Variants in VWF observed in about 807,000 individuals in gnomAD.
VWF encodes Factor VIII related antigen.
In VWF, 176 loss-of-function variants were observed where a neutral mutation model predicts 308.6. The observed-to-expected ratio is 0.57, with a 90% CI of 0.50 to 0.65. The LOEUF is 0.65. Ranked by LOEUF, VWF falls within the 30% of genes least tolerant of loss-of-function variation. The pLI, the probability that VWF is intolerant of heterozygous loss-of-function variation, is 0.00. For synonymous variants in VWF, 1,385 were observed against 1,443.4 expected (o/e 0.96, Z 0.92); for missense variants, 3,146 against 3,648.2 (o/e 0.86, Z 3.55).
chr12:6,053,626 G>A (rs192417362), intron 15 of VWF, among the ~76,000 whole-genome samples: 4 of 152,272 alleles, frequency 2.6e-5, no homozygotes, highest in East Asian at 3.9e-4. Context: ...CTAAGGGAAC[G>A]GGCTCTGTAT....
rs2136386032 is a variant in VWF, at chr12:5,994,535, T to C, written c.6136A>G (p.Ile2046Val). ...TGATTGAATCTGACCTCATGCATGA[T>C]GGCACCATAAACGTTGACTTCCATG... ...GNMEVNVYGAIMHEVRFNHLG... is the reference protein window; with the variant it reads ...GNMEVNVYGAVMHEVRFNHLG... The change falls in exon 36 of 52, where the codon ATC becomes GTC. Residue 2046 changes from isoleucine (I) to valine (V), a missense_variant. Transcript: ENST00000261405. The C allele has an allele frequency of 6.2e-7, 1 of 1,614,028 alleles. No homozygotes were observed. Among genetic ancestry groups the C allele is most frequent in the Non-Finnish European group, 8.5e-7 (1 of 1,179,926 alleles).
rs1555073700 is a variant in VWF, at chr12:6,092,614, T to TGAGAGAGAGAGA, written c.657+2845_657+2846insTCTCTCTCTCTC. Reference sequence around the variant, plus strand: ...CATGCCCAGCTAGTTAGTGAGTGAGTGAGAGTGTGTGTGTGTGTGTGTGTG... The same window carrying TGAGAGAGAGAGA: ...CATGCCCAGCTAGTTAGTGAGTGAGTGAGAGAGAGAGAGAGAGTGTGTGTGTGTGTGTGTGTG... On this transcript the variant is annotated intron_variant, in intron 6 of 51. Transcript: ENST00000261405. Among the ~76,000 whole-genome samples the TGAGAGAGAGAGA allele has an allele frequency of 5.0e-3, 429 of 86,046 alleles. 19 individuals are homozygous for TGAGAGAGAGAGA. The highest frequency in any genetic ancestry group is 0.011 in the Middle Eastern group (2 of 190). 56.4% of individuals were successfully genotyped at this position (86,046 alleles called of 152,430 possible). A position where few individuals can be genotyped will look rare whatever the true frequency, so the allele number is the denominator to read the frequency against.
intron 15 of VWF, among the ~76,000 whole-genome samples, chr12:6,055,250 C>T (rs1412634353): frequency 2.6e-5 from 4 of 152,142 alleles, no homozygotes; most frequent in African/African-American, 9.7e-5. Flanking sequence ...AGAAATCCTG[C>T]GGATGCTGCC....
intron 7 of VWF, among the ~76,000 whole-genome samples, chr12:6,074,045 A>G (rs1205880557): frequency 6.6e-6 from 1 of 151,996 alleles, no homozygotes; most frequent in Non-Finnish European, 1.5e-5. Context: ...CCCTTCACCT[A>G]AAACCCTTTC....
intron 5 of VWF, among the ~76,000 whole-genome samples, chr12:6,107,753 G>A (rs555217456): frequency 6.6e-6 from 1 of 152,186 alleles, no homozygotes; most frequent in Admixed American, 6.5e-5. Context: ...CCGCCTCCAA[G>A]GTTCATGCCA....
chr12:5,964,250 GCATACATA>G (rs202210763), intron 47 of VWF, among the ~76,000 whole-genome samples: 30 of 122,412 alleles, frequency 2.5e-4, no homozygotes, highest in Admixed American at 1.5e-3. Flanking sequence ...ATACATACAT[GCATACATA>G]CATACATACA....
rs543041240 is a variant in VWF, at chr12:6,010,793, G to A, written c.5842+824C>T. Among the ~76,000 whole-genome samples, 3 of 152,304 alleles carry A rather than the reference G, an allele frequency of 2.0e-5. No individual in the cohort carries two copies. In the South Asian group the frequency reaches 6.2e-4, roughly 32 times the overall value. The stretch of plus-strand genomic sequence containing the variant: ...TTCCCAGAGGCAGGCAGCCTAAATT[G>A]GAACTGGGAGGTGTTTTAACTCTAA... On this transcript the variant is annotated intron_variant, in intron 34 of 51. Coordinates refer to ENST00000261405, the MANE Select transcript of VWF (RefSeq NM_000552.5).
chr12:6,013,223 T>C (rs1361528303), intron 32 of VWF, among the ~76,000 whole-genome samples: 2 of 152,228 alleles, frequency 1.3e-5, no homozygotes, highest in Non-Finnish European at 2.9e-5. Context: ...TTAGGCTCTC[T>C]CTGCCAAGTT....
At chr12:6,078,270 C>A (rs1944867941) in intron 6 of VWF, among the ~76,000 whole-genome samples, 1 of 152,214 alleles carries the variant, frequency 6.6e-6, no homozygotes. Context: ...TGCTTGTATT[C>A]ATCTTTCATT....
intron 27 of VWF, chr12:6,021,570 T>C (rs1305130522): frequency 6.3e-6 from 2 of 315,420 alleles, no homozygotes; most frequent in South Asian, 3.0e-5. Context: ...AGTCATGACC[T>C]ACAAGGACAA....
intron 10 of VWF, among the ~76,000 whole-genome samples, chr12:6,069,581 G>A (rs984697477): frequency 1.3e-5 from 2 of 152,178 alleles, no homozygotes; most frequent in Non-Finnish European, 2.9e-5. Flanking sequence ...TCATGGCAGG[G>A]TGTGGAAATA....
chr12:5,996,374 T>C, intron 34 of VWF, 152 bp from the exon 35 acceptor site: 2 of 726,806 alleles, frequency 2.8e-6, no homozygotes, highest in South Asian at 3.4e-5. Context: ...ATTTCCTCCT[T>C]TTTTTACAGA....
intron 51 of VWF, 62 bp downstream of exon 51, chr12:5,949,724 A>G: frequency 2.7e-6 from 4 of 1,474,928 alleles, no homozygotes; most frequent in Non-Finnish European, 2.8e-6. Context: ...AACTAAGGAT[A>G]GGTATCCGAA....
At chr12:6,069,687 A>C (rs1944760106) in intron 10 of VWF, among the ~76,000 whole-genome samples, 1 of 152,248 alleles carries the variant, frequency 6.6e-6, no homozygotes, top group Non-Finnish European at 1.5e-5. Context: ...TTGAGAATGC[A>C]GAGAAGAGCG....
At chr12:5,978,520 T>A (rs1943556975) in intron 42 of VWF, among the ~76,000 whole-genome samples, 1 of 152,164 alleles carries the variant, frequency 6.6e-6, no homozygotes, top group Non-Finnish European at 1.5e-5. Flanking sequence ...CACCTTGGCC[T>A]CCCAAAGTGC....
rs886395597 is a variant in VWF at position 6,022,810 on chromosome 12, C to T, written c.3468G>A (p.Thr1156=). 2.0e-5 allele frequency: 11 copies of T among 537,786 alleles called. No homozygotes were observed. The highest frequency in any genetic ancestry group is 7.5e-5 in the Admixed American group (2 of 26,828). The allele number at this position is 537,786 out of a possible 1,614,324, so 33.3% of individuals were successfully genotyped here. ...YNSCAPACQV[T]CQHPEPLACP... is the part of the protein sequence containing the mutation. ...AGGCCAGTGGCTCAGGGTGCTGACA[C>T]GTGACTTGACAGGCAGGTGCACAGC... The change falls in exon 26 of 52, where the codon ACG becomes ACA. Residue 1156 remains threonine (T), a synonymous_variant. Transcript: ENST00000261405.
chr12:6,087,239 G>A (rs770955888), intron 6 of VWF, among the ~76,000 whole-genome samples: 19 of 151,912 alleles, frequency 1.3e-4, no homozygotes, highest in African/African-American at 2.7e-4. Flanking sequence ...CTTTAGCTTC[G>A]AACGGGCATA....
Position 6,075,496 on chromosome 12 carries a change from T to A in VWF, c.713A>T (p.His238Leu). The stretch of plus-strand genomic sequence containing the variant: ...AAAAGGCTCGGGGTCCACCAGAGGG[T>A]GGCAGCGGGCAAACACCGAGGTGCT... ...LKSTSVFARC[H>L]PLVDPEPFVA... The change falls in exon 7 of 52, where the codon CAC becomes CTC. Residue 238 changes from histidine to leucine, a missense_variant. Coordinates refer to ENST00000261405, the MANE Select transcript of VWF (RefSeq NM_000552.5). This position sits in a 1 kb window ranked among gnomAD's most constrained non-coding sequence, Gnocchi z 4.7. 6.2e-7 allele frequency: 1 copy of A among 1,614,062 alleles called. No homozygotes were observed.
intron 3 of VWF, among the ~76,000 whole-genome samples, chr12:6,118,610 C>T (rs1945395311): frequency 6.6e-6 from 1 of 151,886 alleles, no homozygotes; most frequent in African/African-American, 2.4e-5. Flanking sequence ...TGGTCTCGAT[C>T]TCCCAACCTC....
Sources: allele counts gnomAD v4.1 joint callset (sites outside exome capture counted in the v4.1 genomes callset), GRCh38; gene constraint gnomAD v4.1.1; non-coding constraint Gnocchi (gnomAD v3.1); transcripts MANE v1.5; gene names NCBI Gene and HGNC (gene_info 2026-07-23, HGNC 2026-07-21).